MCOLN1: variants seen among roughly 807,000 people sequenced by gnomAD.
The protein encoded by MCOLN1 is mucolipin-1.
A neutral mutation model predicts 70.3 loss-of-function variants in MCOLN1; 50 were observed. That is an observed-to-expected ratio of 0.71 (90% CI 0.57 to 0.90). The LOEUF is 0.90. Ranked by LOEUF, MCOLN1 falls within the 40% of genes least tolerant of loss-of-function variation. The probability of loss-of-function intolerance (pLI) is 0.00; values close to 1 mark genes in which losing one functional copy is unlikely to be tolerated. For missense variants in MCOLN1, 598 were observed against 803.5 expected, an observed-to-expected ratio of 0.74 and a Z score of 3.09; for synonymous variants, 366 against 341.0, an observed-to-expected ratio of 1.07 and a Z score of -0.81.
Position 7,526,358 on chromosome 19 carries a change from C to T in MCOLN1, c.238-81C>T. On this transcript the variant is annotated intron_variant, in intron 2 of 13. Coordinates refer to ENST00000264079, the MANE Select transcript of MCOLN1 (RefSeq NM_020533.3). This position sits in a 1 kb window ranked among gnomAD's most constrained non-coding sequence, Gnocchi z 4.6. Reference sequence around the variant, plus strand: ...GGACATCTGCAGGGCCCTCCCTGTCCTCTTCCAGGGCCTGTGCCCTGAGGG... The same window carrying T: ...GGACATCTGCAGGGCCCTCCCTGTCTTCTTCCAGGGCCTGTGCCCTGAGGG... 6.4e-7 allele frequency: 1 copy of T among 1,560,968 alleles called. No individual in the cohort carries two copies. The highest frequency in any genetic ancestry group is 8.8e-7 in the Non-Finnish European group (1 of 1,132,016).
chr19:7,530,565 G>A, intron 12 of MCOLN1, 64 bp downstream of exon 12: 1 of 1,439,686 alleles, frequency 6.9e-7, no homozygotes, highest in African/African-American at 1.4e-5. Flanking sequence ...CCATGAGGGG[G>A]TCTTGGGGAC....
rs1599252249 is a variant in MCOLN1 at position 7,524,993 on chromosome 19, T to G, written c.64T>G (p.Tyr22Asp). ...TERLLTPNPG[Y>D]GTQAGPSPAP... ...GCGGCTTCTGACCCCCAACCCCGGG[T>G]ATGGGACCCAGGCGGGGCCTTCACC... The change falls in exon 2 of 14, where the codon TAT (tyrosine) becomes GAT (aspartate). Residue 22 changes from tyrosine (Y) to aspartate (D), a missense_variant. Physicochemically the swap from Tyr to Asp is radical, Grantham distance 160 (BLOSUM62 -3). Transcript: ENST00000264079. The surrounding 1 kb of genome is among the most constrained non-coding windows in gnomAD (Gnocchi z 4.1). The G allele has an allele frequency of 6.2e-7, 1 of 1,613,576 alleles. No homozygotes were observed. The highest frequency in any genetic ancestry group is 8.5e-7 in the Non-Finnish European group (1 of 1,179,924).
Position 7,522,661 on chromosome 19 carries a change from G to T in MCOLN1, c.-90G>T. On this transcript the variant is annotated 5_prime_UTR_variant, in exon 1 of 14. Transcript: ENST00000264079. The stretch of plus-strand genomic sequence containing the variant: ...ATGCCGGAGGGTTTGAAGCCGCGCC[G>T]CGAGGGAGCGAGGTCGCAGTGACAG... 7.5e-7 allele frequency: 1 copy of T among 1,340,860 alleles called. No individual in the cohort carries two copies. The highest frequency in any genetic ancestry group is 3.0e-5 in the East Asian group (1 of 33,178). The allele number at this position is 1,340,860 out of a possible 1,614,324, so 83.1% of individuals were successfully genotyped here. A position where few individuals can be genotyped will look rare whatever the true frequency, so the allele number is the denominator to read the frequency against.
In MCOLN1 at chr19:7,529,647, G is replaced by A; in HGVS notation, c.1294G>A (p.Val432Met). 6.2e-7 allele frequency: 1 copy of A among 1,614,192 alleles called. No homozygotes were observed. The highest frequency in any genetic ancestry group is 2.2e-5 in the East Asian group (1 of 44,870). Reference protein sequence around the residue: ...LPSVMRFCCCVAVIYLGYCFC... With the variant: ...LPSVMRFCCCMAVIYLGYCFC... ...CAGCGTCATGCGCTTCTGCTGCTGC[G>A]TGGCTGTCATCTACCTGGGCTACTG... The change falls in exon 11 of 14, where the codon GTG becomes ATG. Residue 432 changes from valine to methionine, a missense_variant. Physicochemically the swap from Val to Met is conservative, Grantham distance 21. This residue lies in a region of MCOLN1 where 78 missense variants were observed against 156.2 expected (regional missense o/e 0.50). Coordinates refer to ENST00000264079, the MANE Select transcript of MCOLN1 (RefSeq NM_020533.3).
rs760469616 is a variant in MCOLN1 at position 7,533,845 on chromosome 19, G to T, written c.*50G>T. ...TAGGCCCTGGACTGCAGAGACCCCC[G>T]CCCCCGACCCCGCTTATTTATTTGT... On this transcript the variant is annotated 3_prime_UTR_variant, in exon 14 of 14. Transcript: ENST00000264079. 1.9e-6 allele frequency: 3 copies of T among 1,603,744 alleles called. No homozygotes were observed. Among genetic ancestry groups the T allele is most frequent in the African/African-American group, 2.7e-5 (2 of 74,676 alleles).
Position 7,533,503 on chromosome 19 carries a change from CTCCCGGCTTCTCTCCCCAGCA to C in MCOLN1, c.1576-12_1584del, listed in dbSNP as rs776994867. 1 of 1,610,302 alleles carries C rather than the reference CTCCCGGCTTCTCTCCCCAGCA, an allele frequency of 6.2e-7. No individual in the cohort carries two copies. Among genetic ancestry groups the C allele is most frequent in the Non-Finnish European group, 8.5e-7 (1 of 1,179,510 alleles). On this transcript the variant is annotated splice_acceptor_variant and splice_polypyrimidine_tract_variant and coding_sequence_variant and intron_variant, in exon 13 of 14. Coordinates refer to ENST00000264079, the MANE Select transcript of MCOLN1 (RefSeq NM_020533.3). LOFTEE classifies it high-confidence loss of function. Reference sequence around the variant, plus strand: ...GTTGGGAGCCACTTTCAGGCTGAGCCTCCCGGCTTCTCTCCCCAGCATCCCGGCGGCGCAGGCGCAGAGGAG... The same window carrying C: ...GTTGGGAGCCACTTTCAGGCTGAGCCTCCCGGCGGCGCAGGCGCAGAGGAG...
chr19:7,532,750 C>T (rs1568400938), intron 12 of MCOLN1, among the ~76,000 whole-genome samples: 1 of 152,144 alleles, frequency 6.6e-6, no homozygotes, highest in Non-Finnish European at 1.5e-5. Flanking sequence ...AATTTTAATT[C>T]AAATGAAGTA....
At chr19:7,527,198 G>A (rs770052606) in intron 4 of MCOLN1, 224 of 586,496 alleles carry the variant, frequency 3.8e-4, no homozygotes, top group Middle Eastern at 4.7e-4. Flanking sequence ...CTTGAGTCCG[G>A]GAGGTTGAGG....
In MCOLN1 at chr19:7,533,698, TG is replaced by T. The variant is rs761515800; in HGVS notation, c.1706+49del. 4.3e-5 allele frequency: 69 copies of T among 1,613,982 alleles called. 1 individual carries two copies. Among genetic ancestry groups the T allele is most frequent in the Non-Finnish European group, 2.5e-6 (3 of 1,180,030 alleles). On this transcript the variant is annotated intron_variant, in intron 13 of 13. Transcript: ENST00000264079. Reference sequence around the variant, plus strand: ...CACATTCAGATTGGAGGTTAGGGAATGGGGAAAGGGGAGCGAGCCAGAGAAA... The same window carrying T: ...CACATTCAGATTGGAGGTTAGGGAATGGGAAAGGGGAGCGAGCCAGAGAAA...
At chr19:7,530,611 A>G in intron 12 of MCOLN1, 110 bp downstream of exon 12, 6 of 1,064,090 alleles carry the variant, frequency 5.6e-6, no homozygotes, top group Non-Finnish European at 8.6e-6. Flanking sequence ...AGGAGAGAAT[A>G]TGGGAGACTC....
rs1356521850 is a variant in MCOLN1 at position 7,530,423 on chromosome 19, C to T, written c.1497C>T (p.Tyr499=). ...GGCTCTTCTCCCAGCTCTACCTTTA[C>T]TCCTTCATCAGCCTCTTCATCTACA... ...LVWLFSQLYL[Y]SFISLFIYMV... is the part of the protein sequence containing the mutation. The change falls in exon 12 of 14, where the codon TAC becomes TAT. Residue 499 remains tyrosine (Y), a synonymous_variant. Coordinates refer to ENST00000264079, the MANE Select transcript of MCOLN1 (RefSeq NM_020533.3). The T allele has an allele frequency of 6.2e-7, 1 of 1,613,640 alleles. No homozygotes were observed. Among genetic ancestry groups the T allele is most frequent in the Non-Finnish European group, 8.5e-7 (1 of 1,180,040 alleles).
At position 7,524,176 on chromosome 19, in the gene MCOLN1, T is replaced by G. The variant is rs2022534629; in HGVS notation, c.32-785T>G. Among the ~76,000 whole-genome samples the G allele has an allele frequency of 6.6e-6, 1 of 152,132 alleles. No individual in the cohort carries two copies. Among genetic ancestry groups the G allele is most frequent in the Admixed American group, 6.6e-5 (1 of 15,256 alleles). ...GGTCGCCTTTTTAAAATTTCCACTC[T>G]TCAGATGAGGAGATGGAGGCTCAGG... On this transcript the variant is annotated intron_variant, in intron 1 of 13. Transcript: ENST00000264079. The surrounding 1 kb of genome is among the most constrained non-coding windows in gnomAD (Gnocchi z 4.1).
intron 12 of MCOLN1, among the ~76,000 whole-genome samples, chr19:7,531,292 C>G (rs909767319): frequency 1.3e-5 from 2 of 152,078 alleles, no homozygotes; most frequent in African/African-American, 4.8e-5. Flanking sequence ...CCTCCACCTT[C>G]TGAGTTGAAG....
At chr19:7,529,521 ATC>A in intron 10 of MCOLN1, 67 bp from the exon 11 acceptor site, 16 of 311,520 alleles carry the variant, frequency 5.1e-5, no homozygotes, top group East Asian at 9.6e-5. Context: ...TCCCACCCCC[ATC>A]TGGGTGCCCA....
In MCOLN1 at chr19:7,530,459, C is replaced by T. The variant is rs2022639670; in HGVS notation, c.1533C>T (p.Ser511=). The T allele has an allele frequency of 1.2e-6, 2 of 1,612,482 alleles. No individual in the cohort carries two copies. The highest frequency in any genetic ancestry group is 1.1e-5 in the South Asian group (1 of 91,088). ...GCCTCTTCATCTACATGGTGCTCAG[C>T]CTCTTCATCGCGCTCATCACCGGCG... is the stretch of plus-strand genomic sequence containing the variant. ...FISLFIYMVL[S]LFIALITGAY... The change falls in exon 12 of 14, where the codon AGC becomes AGT. Residue 511 remains serine (S), a synonymous_variant. Transcript: ENST00000264079.
At chr19:7,527,151 G>A in intron 4 of MCOLN1, 1 of 631,702 alleles carries the variant, frequency 1.6e-6, no homozygotes, top group Non-Finnish European at 2.8e-6. Flanking sequence ...GTGCCCCTGT[G>A]GTCCCAGCTA....
At chr19:7,532,392 C>T (rs770646206) in intron 12 of MCOLN1, among the ~76,000 whole-genome samples, 18 of 151,978 alleles carry the variant, frequency 1.2e-4, no homozygotes, top group Non-Finnish European at 2.1e-4. Flanking sequence ...AGTCTCTAGC[C>T]CTATGCAGCT....
Position 7,527,546 on chromosome 19 carries a change from C to A in MCOLN1, c.598C>A (p.Arg200=), listed in dbSNP as rs745435577. The A allele has an allele frequency of 1.0e-5, 16 of 1,591,318 alleles. No individual in the cohort carries two copies. The highest frequency in any genetic ancestry group is 6.7e-5 in the African/African-American group (5 of 74,536). ...TDCIQVDPPE[R]PPPPPSDDLT... is the part of the protein sequence containing the mutation. ...CTGCATCCAGGTGGATCCCCCCGAG[C>A]GGCCCCCTCCGCCCCCCAGCGACGA... The change falls in exon 5 of 14, where the codon CGG becomes AGG. Residue 200 remains arginine (R), a synonymous_variant. Transcript: ENST00000264079.
intron 1 of MCOLN1, 37 bp downstream of exon 1, chr19:7,522,818 A>C (rs1037698724): frequency 2.7e-5 from 36 of 1,313,474 alleles, no homozygotes; most frequent in Non-Finnish European, 3.5e-5. Flanking sequence ...CCCCGAACTC[A>C]GGCGGGCGGG....
Sources: gnomAD v4.1 joint callset for allele counts (sites outside exome capture counted in the v4.1 genomes callset) on GRCh38, gnomAD v4.1.1 for gene constraint, gnomAD v4.1.1 regional missense constraint, Gnocchi (gnomAD v3.1) non-coding constraint, MANE v1.5 for transcripts, NCBI Gene and HGNC (gene_info 2026-07-23, HGNC 2026-07-21) for gene names.